PPP1R12C: variants seen among roughly 807,000 people sequenced by gnomAD.
The protein encoded by PPP1R12C is leukocyte receptor cluster (LRC) encoded novel gene 3.
In PPP1R12C, 48 loss-of-function variants were observed where a neutral mutation model predicts 95.6. The observed-to-expected ratio is 0.50, with a 90% CI of 0.40 to 0.64. The LOEUF is 0.64. Among genes scored for constraint, PPP1R12C ranks in the 30% least tolerant of loss-of-function variants. The pLI is 0.00. For synonymous variants in PPP1R12C, 480 were observed against 460.8 expected, an observed-to-expected ratio of 1.04 and a Z score of -0.53; for missense variants, 1,057 against 1,083.3, an observed-to-expected ratio of 0.98 and a Z score of 0.34.
At chr19:55,112,222 G>A (rs926081683) in intron 3 of PPP1R12C, 9 of 118,526 alleles carry the variant, frequency 7.6e-5, no homozygotes, top group Non-Finnish European at 1.3e-4. Flanking sequence ...CAGTTACTCA[G>A]GGGGATTGAC....
At chr19:55,101,709 C>G (rs568398903) in intron 4 of PPP1R12C, among the ~76,000 whole-genome samples, 3 of 152,312 alleles carry the variant, frequency 2.0e-5, no homozygotes, top group African/African-American at 4.8e-5. Context: ...TAGGCCCAAC[C>G]ATTTAGAGTT....
Position 55,098,867 on chromosome 19 carries a change from G to A in PPP1R12C, c.877-9C>T. On this transcript the variant is annotated splice_polypyrimidine_tract_variant and intron_variant, in intron 5 of 21. Transcript: ENST00000263433. ...TCACAGGGACGCTGCCCCTGGGTCA[G>A]GGGAGGAGCAGGATCAGACAATGAA... 6.2e-7 allele frequency: 1 copy of A among 1,612,980 alleles called. No homozygotes were observed. Among genetic ancestry groups the A allele is most frequent in the Non-Finnish European group, 8.5e-7 (1 of 1,179,734 alleles).
intron 12 of PPP1R12C, 65 bp downstream of exon 12, chr19:55,094,596 C>T: frequency 6.5e-7 from 1 of 1,530,154 alleles, no homozygotes; most frequent in Non-Finnish European, 8.7e-7. Context: ...CCCCGGGACT[C>T]CTGCTTCACA....
At position 55,091,864 on chromosome 19, in the gene PPP1R12C, T is replaced by C. The variant is rs1362554238; in HGVS notation, c.2206A>G (p.Arg736Gly). The change falls in exon 20 of 22, where the codon AGA becomes GGA. Residue 736 changes from arginine to glycine, a missense_variant. Around this residue, in one of 5 missense-constraint regions of PPP1R12C, gnomAD observed 347 missense variants for 307.9 expected, o/e 1.13. Transcript: ENST00000263433. The part of the protein sequence containing the change: ...AERPALLELE[R>G]FERRALERKA... ...TCCCCACTGCCCCTACTCACGAATC[T>C]CTCCAGTTCCAGGAGGGCTGGCCTC... 2 of 1,613,292 alleles carry C rather than the reference T, an allele frequency of 1.2e-6. No homozygotes were observed. Among genetic ancestry groups the C allele is most frequent in the East Asian group, 2.2e-5 (1 of 44,862 alleles).
rs763459937 is a variant in PPP1R12C, at chr19:55,092,854, C to T, written c.1840G>A (p.Gly614Arg). The T allele has an allele frequency of 2.7e-5, 43 of 1,580,170 alleles. No homozygotes were observed. The highest frequency in any genetic ancestry group is 3.5e-5 in the Non-Finnish European group (41 of 1,163,838). Residue 614 changes from glycine (G) to arginine (R), a missense_variant, in exon 16 of 22, where the codon GGG becomes AGG. Physicochemically the swap from Gly to Arg is moderately radical, Grantham distance 125. Coordinates refer to ENST00000263433, the MANE Select transcript of PPP1R12C (RefSeq NM_017607.4). ...GCCGCCTGCGGTCCCGGACCCTGCC[C>T]GTCGGGCGCCTCTGCTGGGGGAGGG... ...SPAQRAEAPD[G>R]QGPGPQAARE... is the part of the protein sequence containing the mutation.
rs147539657 is a variant in PPP1R12C at position 55,112,483 on chromosome 19, C to T, written c.555G>A (p.Ala185=). ...ESDAMEGLLK[A]EIARRGVDVE... is the part of the protein sequence containing the mutation. ...AGAGCCCACCTCGGCGGGCGATCTCCGCCTTCAGCAGCCCCTCCATGGCGT... is the reference window on the plus strand; with the variant it reads ...AGAGCCCACCTCGGCGGGCGATCTCTGCCTTCAGCAGCCCCTCCATGGCGT... Residue 185 remains alanine, a synonymous_variant, in exon 3 of 22, where the codon GCG becomes GCA. Transcript: ENST00000263433. 3.2e-5 allele frequency: 51 copies of T among 1,611,884 alleles called. No homozygotes were observed. The highest frequency in any genetic ancestry group is 2.0e-4 in the South Asian group (18 of 91,016).
In PPP1R12C at chr19:55,112,794, G is replaced by A; in HGVS notation, c.323C>T (p.Ala108Val). Reference protein sequence around the residue: ...NADGISALHQACIDENLEVVR... With the variant: ...NADGISALHQVCIDENLEVVR... ...CACCTCCAGGTTCTCATCAATGCAG[G>A]CCTGGGGGTGGGAAACAGCCGTCAG... The change falls in exon 2 of 22, where the codon GCC becomes GTC. Residue 108 changes from alanine to valine, a missense_variant and splice_region_variant. By Grantham distance (64) the Ala-to-Val change is moderately conservative (BLOSUM62 0). Coordinates refer to ENST00000263433, the MANE Select transcript of PPP1R12C (RefSeq NM_017607.4). 4 of 1,612,170 alleles carry A rather than the reference G, an allele frequency of 2.5e-6. No homozygotes were observed. The highest frequency in any genetic ancestry group is 3.4e-6 in the Non-Finnish European group (4 of 1,179,832).
intron 1 of PPP1R12C, chr19:55,115,383 T>C (rs1218846779): frequency 6.6e-6 from 1 of 152,226 alleles, no homozygotes; most frequent in African/African-American, 2.4e-5. Context: ...ATTCTGATTT[T>C]GTTTTTCCAA....
chr19:55,094,415 C>G lies in PPP1R12C; in HGVS notation c.1613G>C (p.Arg538Pro). The stretch of plus-strand genomic sequence containing the variant: ...TCTCTGGGATTCCGACTCCTCATCC[C>G]GCACAGGCATCTGGTAGGACCTGAG... ...DRRRSYQMPV[R>P]DEESESQRKA... Residue 538 changes from arginine to proline, a missense_variant, in exon 13 of 22, where the codon CGG (arginine) becomes CCG (proline). Physicochemically the swap from Arg to Pro is moderately radical, Grantham distance 103. This residue lies in a region of PPP1R12C where 356 missense variants were observed against 330.5 expected (regional missense o/e 1.08). Transcript: ENST00000263433. 1 of 1,613,932 alleles carries G rather than the reference C, an allele frequency of 6.2e-7. No homozygotes were observed. Among genetic ancestry groups the G allele is most frequent in the Non-Finnish European group, 8.5e-7 (1 of 1,180,036 alleles).
chr19:55,110,709 T>C (rs968829307), intron 3 of PPP1R12C, among the ~76,000 whole-genome samples: 3 of 151,784 alleles, frequency 2.0e-5, no homozygotes, highest in African/African-American at 4.8e-5. Flanking sequence ...CCCATCTCTA[T>C]TAAAAATGCA....
At chr19:55,094,894 C>T (rs1317293393) in intron 11 of PPP1R12C, 96 bp from the exon 12 acceptor site, 5 of 1,374,024 alleles carry the variant, frequency 3.6e-6, no homozygotes, top group Non-Finnish European at 5.0e-6. Context: ...ATTATCTGGG[C>T]CACAACAGAG....
Position 55,117,297 on chromosome 19 carries a change from C to A in PPP1R12C, c.247G>T (p.Asp83Tyr). 8.3e-7 allele frequency: 1 copy of A among 1,210,484 alleles called. No individual in the cohort carries two copies. The highest frequency in any genetic ancestry group is 4.1e-5 in the South Asian group (1 of 24,252). 75.0% of individuals were successfully genotyped at this position (1,210,484 alleles called of 1,614,324 possible). A position where few individuals can be genotyped will look rare whatever the true frequency, so the allele number is the denominator to read the frequency against. ...CGGGCGGGCGGCGGCGCGGCGGGGT[C>A]GAGCTCGGCGCCGGGGCCAGGGTCG... ...AADPGPGAEL[D>Y]PAAPPPARAV... The change falls in exon 1 of 22, where the codon GAC (aspartate) becomes TAC (tyrosine). Residue 83 changes from aspartate to tyrosine, a missense_variant. Physicochemically the swap from Asp to Tyr is radical, Grantham distance 160. This residue lies in a region of PPP1R12C where 282 missense variants were observed against 380.4 expected (regional missense o/e 0.74). Coordinates refer to ENST00000263433, the MANE Select transcript of PPP1R12C (RefSeq NM_017607.4).
intron 1 of PPP1R12C, chr19:55,113,555 C>T: frequency 1.5e-6 from 2 of 1,352,506 alleles, no homozygotes; most frequent in Non-Finnish European, 1.9e-6. Flanking sequence ...GGAGGAGGGA[C>T]TTGCCCCAGG....
At position 55,092,562 on chromosome 19, in the gene PPP1R12C, C is replaced by A. The variant is rs371958881; in HGVS notation, c.1953-18G>T. The A allele has an allele frequency of 6.9e-6, 11 of 1,585,844 alleles. No individual in the cohort carries two copies. The highest frequency in any genetic ancestry group is 9.4e-6 in the Non-Finnish European group (11 of 1,166,594). On this transcript the variant is annotated intron_variant, in intron 17 of 21. Coordinates refer to ENST00000263433, the MANE Select transcript of PPP1R12C (RefSeq NM_017607.4). ...CCAGGGTGCTGGGGCAGGGGAGGAG[C>A]GCGCGTCAGGGGCCGGCCCGGCCCG... is the stretch of plus-strand genomic sequence containing the variant.
At chr19:55,115,758 T>TGA in intron 1 of PPP1R12C, among the ~76,000 whole-genome samples, 1 of 152,242 alleles carries the variant, frequency 6.6e-6, no homozygotes, top group South Asian at 2.1e-4. Context: ...ACCAATCCTG[T>TGA]CCCTAGTGGC....
At chr19:55,105,069 C>T (rs908972702) in intron 3 of PPP1R12C, among the ~76,000 whole-genome samples, 1 of 147,064 alleles carries the variant, frequency 6.8e-6, no homozygotes, top group Non-Finnish European at 1.5e-5. Flanking sequence ...CGCATCTGAC[C>T]CTTTTTTTTT....
intron 12 of PPP1R12C, 85 bp downstream of exon 12, chr19:55,094,576 C>A: frequency 6.5e-7 from 1 of 1,529,120 alleles, no homozygotes; most frequent in Non-Finnish European, 8.8e-7. Context: ...CCTCAGGAGC[C>A]CACCCAAAGC....
rs1044220036 is a variant in PPP1R12C at position 55,096,173 on chromosome 19, G to C, written c.1031C>G (p.Ser344Cys). 1.0e-5 allele frequency: 16 copies of C among 1,606,808 alleles called. No homozygotes were observed. The highest frequency in any genetic ancestry group is 1.3e-5 in the Non-Finnish European group (15 of 1,175,606). The change falls in exon 8 of 22, where the codon TCT (serine) becomes TGT (cysteine). Residue 344 changes from serine to cysteine, a missense_variant. Ser to Cys is a moderately radical substitution (Grantham distance 112). Coordinates refer to ENST00000263433, the MANE Select transcript of PPP1R12C (RefSeq NM_017607.4). The stretch of plus-strand genomic sequence containing the variant: ...CTCGCGACTGCTCAGACGACACACA[G>C]AGCTCCTGTTGGGGAAGGAGAGGGT... Reference protein sequence around the residue: ...APSSSKHRRSSVCRLSSREKI... With the variant: ...APSSSKHRRSCVCRLSSREKI...
rs1165298049 is a variant in PPP1R12C at position 55,117,374 on chromosome 19, G to C, written c.170C>G (p.Ala57Gly). Residue 57 changes from alanine (A) to glycine (G), a missense_variant, in exon 1 of 22, where the codon GCG becomes GGG. Physicochemically the swap from Ala to Gly is moderately conservative, Grantham distance 60. This residue lies in a region of PPP1R12C where 282 missense variants were observed against 380.4 expected (regional missense o/e 0.74). Coordinates refer to ENST00000263433, the MANE Select transcript of PPP1R12C (RefSeq NM_017607.4). ...VRFERAAEFL[A>G]ACAGGDLDEA... ...GTCCAGGTCGCCGCCCGCACAGGCC[G>C]CCAGGAACTCGGCGGCGCGCTCGAA... 11 of 1,102,278 alleles carry C rather than the reference G, an allele frequency of 1.0e-5. No individual in the cohort carries two copies. The highest frequency in any genetic ancestry group is 1.2e-5 in the Non-Finnish European group (11 of 906,682). The allele number at this position is 1,102,278 out of a possible 1,614,324, so 68.3% of individuals were successfully genotyped here. A position where few individuals can be genotyped will look rare whatever the true frequency, so the allele number is the denominator to read the frequency against.
Sources: gnomAD v4.1 joint callset for allele counts (sites outside exome capture counted in the v4.1 genomes callset) on GRCh38, gnomAD v4.1.1 for gene constraint, gnomAD v4.1.1 regional missense constraint, MANE v1.5 for transcripts, NCBI Gene and HGNC (gene_info 2026-07-23, HGNC 2026-07-21) for gene names.